Variants in ANXA8 observed in about 807,000 individuals in gnomAD.
The protein encoded by ANXA8 is VAC-beta.
Under a neutral mutation model 26.8 loss-of-function variants are expected in ANXA8, and 9 were observed. The ratio of observed to expected loss-of-function variants is 0.34; its 90% CI spans 0.20 to 0.59. The LOEUF (loss-of-function observed/expected upper bound fraction) is 0.59. Among genes scored for constraint, ANXA8 ranks in the 20% least tolerant of loss-of-function variants. The pLI is 0.84. For synonymous variants in ANXA8, 39 were observed against 94.8 expected (o/e 0.41, Z 3.42); for missense variants, 83 against 238.5 (o/e 0.35, Z 4.29).
the ANXA8 span, among the ~76,000 whole-genome samples, chr10:47,991,422 A>C: frequency 1.3e-5 from 1 of 77,108 alleles, no homozygotes; most frequent in Non-Finnish European, 2.6e-5. Context: ...CTTTTCTCAA[A>C]CCTCAGCTTC....
the ANXA8 span, among the ~76,000 whole-genome samples, chr10:47,954,930 G>A: frequency 2.0e-5 from 3 of 150,614 alleles, no homozygotes; most frequent in Non-Finnish European, 4.4e-5. Context: ...AAGGAGAATG[G>A]AGCCCAGAAA....
chr10:47,743,283 C>CACACATATATATATACATAT, the ANXA8 span, among the ~76,000 whole-genome samples: 16 of 81,960 alleles, frequency 2.0e-4, no homozygotes, highest in East Asian at 4.3e-3. Flanking sequence ...TATATACACA[C>CACACATATATATATACATAT]ATATATATAT....
At chr10:47,540,337 C>G in the ANXA8 span, among the ~76,000 whole-genome samples, 2 of 91,406 alleles carry the variant, frequency 2.2e-5, no homozygotes, top group Non-Finnish European at 4.1e-5. Flanking sequence ...AAAAAATGAT[C>G]TGATAAACAC....
the ANXA8 span, chr10:47,503,080 G>C: frequency 6.2e-7 from 1 of 1,611,564 alleles, no homozygotes; most frequent in Non-Finnish European, 8.5e-7. Flanking sequence ...TGCACAGGCT[G>C]ATGTGGCTAG....
the ANXA8 span, among the ~76,000 whole-genome samples, chr10:47,557,029 T>C: frequency 4.1e-5 from 5 of 120,924 alleles, no homozygotes; most frequent in Non-Finnish European, 8.4e-5. Context: ...TTTTTTGAGA[T>C]GGAGTCTCAC....
the ANXA8 span, among the ~76,000 whole-genome samples, chr10:47,953,588 A>G: frequency 6.6e-6 from 1 of 150,728 alleles, no homozygotes; most frequent in East Asian, 2.0e-4. Flanking sequence ...CTGCACAGCA[A>G]AGGAAATGAC....
At chr10:47,982,222 C>G in the ANXA8 span, among the ~76,000 whole-genome samples, 3 of 149,170 alleles carry the variant, frequency 2.0e-5, no homozygotes, top group Non-Finnish European at 4.5e-5. Flanking sequence ...CCCAAGAGGT[C>G]TATGATGCAG....
At chr10:47,497,488 G>T in the ANXA8 span, among the ~76,000 whole-genome samples, 1 of 146,934 alleles carries the variant, frequency 6.8e-6, no homozygotes, top group African/African-American at 2.5e-5. Flanking sequence ...GCATGGTGGT[G>T]CATGCCTGTA....
chr10:47,633,699 C>T, the ANXA8 span, among the ~76,000 whole-genome samples: 1 of 138,768 alleles, frequency 7.2e-6, no homozygotes. Flanking sequence ...ACTTCAACTA[C>T]AAATGGCCCC....
At chr10:47,488,002 C>A (rs1434858138), upstream of ANXA8, among the ~76,000 whole-genome samples, 1 of 147,284 alleles carries the variant, frequency 6.8e-6, no homozygotes, top group Admixed American at 6.9e-5. Flanking sequence ...GGGGTGGGGC[C>A]TTTGGGAGGT....
the ANXA8 span, among the ~76,000 whole-genome samples, chr10:47,646,991 A>G: frequency 6.6e-6 from 1 of 152,182 alleles, no homozygotes; most frequent in Non-Finnish European, 1.5e-5. Flanking sequence ...GTGGTGTTGA[A>G]TATTTCCTCT....
chr10:47,756,830 G>T, the ANXA8 span, among the ~76,000 whole-genome samples: 1 of 141,434 alleles, frequency 7.1e-6, no homozygotes, highest in Non-Finnish European at 1.5e-5. Context: ...CTTCCCCTGT[G>T]GGGAGGGAGG....
chr10:47,521,062 CTT>C, the ANXA8 span, among the ~76,000 whole-genome samples: 1 of 115,872 alleles, frequency 8.6e-6, no homozygotes, highest in Non-Finnish European at 1.7e-5. Context: ...CCTTAGTTCT[CTT>C]GAGTAGCTGT....
chr10:47,742,085 TCG>T, the ANXA8 span, among the ~76,000 whole-genome samples: 1 of 109,502 alleles, frequency 9.1e-6, no homozygotes, highest in East Asian at 2.5e-4. Flanking sequence ...GGTGAGCCTC[TCG>T]CCTCGCTCTC....
At chr10:47,648,279 C>T in the ANXA8 span, among the ~76,000 whole-genome samples, 4 of 151,836 alleles carry the variant, frequency 2.6e-5, no homozygotes, top group Admixed American at 6.6e-5. Context: ...ACTTGGAAAA[C>T]GTAGCTTGCT....
chr10:47,657,160 T>C, the ANXA8 span, among the ~76,000 whole-genome samples: 3 of 151,642 alleles, frequency 2.0e-5, no homozygotes, highest in Non-Finnish European at 4.4e-5. Context: ...ACATTTGAGT[T>C]ACTAAAACAG....
At chr10:47,530,538 C>G in the ANXA8 span, among the ~76,000 whole-genome samples, 530 of 147,670 alleles carry the variant, frequency 3.6e-3, no homozygotes, top group East Asian at 0.017. Flanking sequence ...AAAAAAATCA[C>G]AAAAATTAGC....
chr10:47,690,981 T>C, the ANXA8 span: 1 of 1,611,282 alleles, frequency 6.2e-7, no homozygotes, highest in Non-Finnish European at 8.5e-7. Context: ...AATTTAAGAG[T>C]ATTAAAAAAA....
At chr10:47,954,652 C>T in the ANXA8 span, among the ~76,000 whole-genome samples, 3 of 151,218 alleles carry the variant, frequency 2.0e-5, no homozygotes, top group South Asian at 2.1e-4. Flanking sequence ...TATCAAAACA[C>T]CTCATGTACT....
Sources: gnomAD v4.1 joint callset for allele counts (sites outside exome capture counted in the v4.1 genomes callset) on GRCh38, gnomAD v4.1.1 for gene constraint, MANE v1.5 for transcripts, NCBI Gene and HGNC (gene_info 2026-07-23, HGNC 2026-07-21) for gene names.